Variants in RHD observed in about 807,000 individuals in gnomAD.
RHD encodes Rh blood group D antigen, also known as blood group Rh(D) polypeptide.
RHD carries 16 observed loss-of-function variants against 45.5 expected under a neutral mutation model. The ratio of observed to expected loss-of-function variants is 0.35; its 90% CI spans 0.24 to 0.53. The LOEUF is 0.53. RHD is among the 20% of genes least tolerant of loss of function. The pLI is 0.92. For synonymous variants in RHD, 131 were observed against 217.5 expected (o/e 0.60, Z 3.50); for missense variants, 306 against 532.0 (o/e 0.58, Z 4.18).
rs369913758 is a variant in RHD, at chr1:25,315,743, G to T, written c.1074-1257G>T. 4.1e-4 allele frequency among the ~76,000 whole-genome samples: 53 copies of T among 129,968 alleles called. 10 individuals carry two copies. Among genetic ancestry groups the T allele is most frequent in the African/African-American group, 1.4e-3 (52 of 37,846 alleles). The allele number at this position is 129,968 out of a possible 152,430, so 85.3% of individuals were successfully genotyped here. ...CATCTCCTGACCTCATGATCTGCCC[G>T]CCTCGGCCTCCCAAAGTGTGGGGAT... On this transcript the variant is annotated intron_variant, in intron 7 of 9. Coordinates refer to ENST00000328664, the MANE Select transcript of RHD (RefSeq NM_016124.6).
At chr1:25,295,797 T>C (rs2986163) in intron 3 of RHD, among the ~76,000 whole-genome samples, 1 of 97,320 alleles carries the variant, frequency 1.0e-5, no homozygotes, top group African/African-American at 3.4e-5. Flanking sequence ...TCAAGGGAGC[T>C]GGGGATGTTT....
rs550176337 is a variant in RHD, at chr1:25,291,592, C to T, written c.486+801C>T. ...AACAAACCAATGCCTTTAACTACTA[C>T]AGTATAATCCTGTAGGATTGTGCTA... On this transcript the variant is annotated intron_variant, in intron 3 of 9. Coordinates refer to ENST00000328664, the MANE Select transcript of RHD (RefSeq NM_016124.6). Among the ~76,000 whole-genome samples the T allele has an allele frequency of 4.9e-4, 65 of 132,764 alleles. 14 individuals are homozygous for T. In the Middle Eastern group the frequency reaches 0.012, roughly 25 times the overall value. 87.1% of individuals were successfully genotyped at this position (132,764 alleles called of 152,430 possible).
At chr1:25,296,238 CA>C (rs1172079103) in intron 3 of RHD, among the ~76,000 whole-genome samples, 1 of 123,868 alleles carries the variant, frequency 8.1e-6, no homozygotes, top group African/African-American at 2.8e-5. Flanking sequence ...CTTCAGTGTA[CA>C]TTTCTTTTTT....
intron 2 of RHD, among the ~76,000 whole-genome samples, chr1:25,285,134 A>ATTTTT (rs869147845): frequency 1.7e-4 from 21 of 120,772 alleles, no homozygotes; most frequent in African/African-American, 6.0e-4. Context: ...GAGACATTCT[A>ATTTTT]TTTTTTTTTT....
chr1:25,307,868 C>A lies in RHD; in HGVS notation c.1073+1139C>A. The A allele has an allele frequency of 1.6e-6, 2 of 1,281,756 alleles. 1 individual carries two copies. The highest frequency in any genetic ancestry group is 2.6e-5 in the South Asian group (2 of 77,698). 79.4% of individuals were successfully genotyped at this position (1,281,756 alleles called of 1,614,324 possible). ...AGGGGATGAGCTGTGTGAAGCAAGG[C>A]GCCTCTGTGATGGGTTCCAGTGATG... On this transcript the variant is annotated intron_variant, in intron 7 of 9. Transcript: ENST00000328664.
chr1:25,323,476 T>G (rs1411216428), intron 9 of RHD, among the ~76,000 whole-genome samples: 1 of 122,624 alleles, frequency 8.2e-6, no homozygotes, highest in East Asian at 2.0e-4. Context: ...TTTTTTTGTT[T>G]GAGACAGGGT....
chr1:25,302,685 T>G (rs1023900547), intron 5 of RHD, among the ~76,000 whole-genome samples: 1 of 129,918 alleles, frequency 7.7e-6, no homozygotes, highest in African/African-American at 2.7e-5. Context: ...TCACACAGGG[T>G]GGCACAGGCA....
At chr1:25,278,580 G>A (rs114355122) in intron 1 of RHD, among the ~76,000 whole-genome samples, 1,965 of 131,084 alleles carry the variant, frequency 0.015, 269 homozygotes, top group African/African-American at 0.048. Flanking sequence ...TTGGCAGTTG[G>A]TGATTCACTG....
Position 25,284,771 on chromosome 1 carries a change from G to A in RHD, c.335+12G>A. 1 of 1,387,868 alleles carries A rather than the reference G, an allele frequency of 7.2e-7. No individual in the cohort carries two copies. Among genetic ancestry groups the A allele is most frequent in the Non-Finnish European group, 1.0e-6 (1 of 984,652 alleles). 86.0% of individuals were successfully genotyped at this position (1,387,868 alleles called of 1,614,324 possible). On this transcript the variant is annotated intron_variant, in intron 2 of 9. Coordinates refer to ENST00000328664, the MANE Select transcript of RHD (RefSeq NM_016124.6). ...ATCACACTGTTCAGGTATTGGGATGGTGGCTGGATCACTTCTGGGTCATAG... is the reference window on the plus strand; with the variant it reads ...ATCACACTGTTCAGGTATTGGGATGATGGCTGGATCACTTCTGGGTCATAG...
rs1316112169 is a variant in RHD, at chr1:25,315,112, C to T, written c.1074-1888C>T. Among the ~76,000 whole-genome samples, 28 of 128,604 alleles carry T rather than the reference C, an allele frequency of 2.2e-4. 5 individuals are homozygous for T. Among genetic ancestry groups the T allele is most frequent in the African/African-American group, 6.6e-4 (25 of 37,716 alleles). 84.4% of individuals were successfully genotyped at this position (128,604 alleles called of 152,430 possible). On this transcript the variant is annotated intron_variant, in intron 7 of 9. Transcript: ENST00000328664. ...TCAGCTACTCGGGAGGCTGAGATCA[C>T]GCCACTGCACTCCAGCCTGGTGACA... is the stretch of plus-strand genomic sequence containing the variant.
At chr1:25,273,302 A>AATTTT (rs1553137277) in intron 1 of RHD, among the ~76,000 whole-genome samples, 46 of 97,730 alleles carry the variant, frequency 4.7e-4, no homozygotes, top group African/African-American at 1.6e-3. Context: ...TGCCTGGCTA[A>AATTTT]TTTTTTTTTT....
chr1:25,305,427 C>T (rs1643731465), intron 6 of RHD, among the ~76,000 whole-genome samples: 1 of 126,890 alleles, frequency 7.9e-6, no homozygotes, highest in South Asian at 2.4e-4. Flanking sequence ...GACAGAGTCT[C>T]ATTCTGTCAC....
chr1:25,304,983 C>A (rs1319475807), intron 6 of RHD, among the ~76,000 whole-genome samples: 2 of 132,310 alleles, frequency 1.5e-5, no homozygotes, highest in African/African-American at 5.2e-5. Flanking sequence ...ATTCATCATT[C>A]CTTCATTCAA....
chr1:25,272,776 C>T, intron 1 of RHD, 81 bp downstream of exon 1: 1 of 1,335,672 alleles, frequency 7.5e-7, no homozygotes, highest in Non-Finnish European at 1.1e-6. Context: ...TCCAGGGGCA[C>T]AGATGTTCCT....
In RHD at chr1:25,301,728, G is replaced by C. The variant is rs753654123; in HGVS notation, c.801+42G>C. On this transcript the variant is annotated intron_variant, in intron 5 of 9. Transcript: ENST00000328664. ...CCTTGGGCAGCACTTGGGTCTAACA[G>C]GACTAGCACACATATTTATGCCCCT... The C allele has an allele frequency of 2.1e-5, 28 of 1,305,124 alleles. 7 individuals carry two copies. The highest frequency in any genetic ancestry group is 3.1e-5 in the Non-Finnish European group (28 of 912,262). 80.8% of individuals were successfully genotyped at this position (1,305,124 alleles called of 1,614,324 possible).
At chr1:25,275,593 T>G (rs1640897995) in intron 1 of RHD, among the ~76,000 whole-genome samples, 1 of 132,556 alleles carries the variant, frequency 7.5e-6, no homozygotes, top group South Asian at 2.3e-4. Context: ...ACTTTAAGTA[T>G]TACTTTAAGT....
intron 8 of RHD, among the ~76,000 whole-genome samples, chr1:25,320,234 G>C (rs184375810): frequency 7.6e-6 from 1 of 131,682 alleles, no homozygotes; most frequent in African/African-American, 2.6e-5. Context: ...AACACAAAAC[G>C]CTTGGGCTGC....
chr1:25,279,282 G>C (rs1012388678), intron 1 of RHD, among the ~76,000 whole-genome samples: 1 of 128,478 alleles, frequency 7.8e-6, no homozygotes, highest in Non-Finnish European at 1.8e-5. Context: ...GAAGTGACTT[G>C]CATGAGCCAG....
rs539800295 is a variant in RHD at position 25,293,786 on chromosome 1, T to A, written c.486+2995T>A. ...TTCATGAATTAAGAGTATTTCCCTT[T>A]GTCCATTATTCCCAAGGCAAATATG... On this transcript the variant is annotated intron_variant, in intron 3 of 9. Transcript: ENST00000328664. 1.4e-3 allele frequency among the ~76,000 whole-genome samples: 185 copies of A among 132,528 alleles called. 30 individuals are homozygous for A. Among genetic ancestry groups the A allele is most frequent in the African/African-American group, 4.4e-3 (170 of 38,788 alleles). 86.9% of individuals were successfully genotyped at this position (132,528 alleles called of 152,430 possible).
Sources: allele counts gnomAD v4.1 joint callset (sites outside exome capture counted in the v4.1 genomes callset), GRCh38; gene constraint gnomAD v4.1.1; transcripts MANE v1.5; gene names NCBI Gene and HGNC (gene_info 2026-07-23, HGNC 2026-07-21).